Variants in NCKAP1 observed in about 807,000 individuals in gnomAD.
NCKAP1 encodes nck-associated protein 1.
A neutral mutation model predicts 151.2 loss-of-function variants in NCKAP1; 21 were observed. That is an observed-to-expected ratio of 0.14 (90% CI 0.10 to 0.20). The LOEUF is 0.20. Ranked by LOEUF, NCKAP1 falls within the 10% of genes least tolerant of loss-of-function variation. The pLI, the probability that NCKAP1 is intolerant of heterozygous loss-of-function variation, is 1.00. For missense variants in NCKAP1, 933 were observed against 1,352.1 expected, an observed-to-expected ratio of 0.69 and a Z score of 4.86; for synonymous variants, 484 against 451.8, an observed-to-expected ratio of 1.07 and a Z score of -0.90.
At chr2:182,930,036 TC>T (rs1336282320) in intron 27 of NCKAP1, among the ~76,000 whole-genome samples, 1 of 151,984 alleles carries the variant, frequency 6.6e-6, no homozygotes, top group African/African-American at 2.4e-5. Flanking sequence ...CTGGACCATC[TC>T]CCATTAGCAT....
At chr2:182,945,001 G>A (rs1490151494) in intron 23 of NCKAP1, among the ~76,000 whole-genome samples, 12 of 152,054 alleles carry the variant, frequency 7.9e-5, no homozygotes, top group African/African-American at 1.7e-4. Context: ...TTGGGAGGCC[G>A]AGGTGGGCGG....
In NCKAP1 at chr2:183,038,241, C is replaced by G. The variant is rs935026607; in HGVS notation, c.-142G>C. On this transcript the variant is annotated 5_prime_UTR_variant, in exon 1 of 31. Transcript: ENST00000361354. ...AGAGCGCGCCCATGGCCCTCGCGCC[C>G]CAATCCCGCGCCGGCGACAGAGCGA... The G allele has an allele frequency of 4.7e-5, 23 of 489,476 alleles. No individual in the cohort carries two copies. In the Admixed American group the frequency reaches 1.0e-3, roughly 22 times the overall value. The allele number at this position is 489,476 out of a possible 1,614,324, so 30.3% of individuals were successfully genotyped here.
intron 8 of NCKAP1, among the ~76,000 whole-genome samples, chr2:182,994,311 G>A (rs1436762532): frequency 6.6e-6 from 1 of 152,080 alleles, no homozygotes; most frequent in African/African-American, 2.4e-5. Context: ...CTCACTAGCT[G>A]TGTGGCCTAA....
chr2:182,983,256 A>T lies in NCKAP1; in HGVS notation c.1101+30T>A. 2.0e-6 allele frequency: 3 copies of T among 1,505,612 alleles called. No homozygotes were observed. The South Asian group carries it at 3.6e-5, about 18-fold the overall frequency. 93.3% of individuals were successfully genotyped at this position (1,505,612 alleles called of 1,614,324 possible). On this transcript the variant is annotated intron_variant, in intron 11 of 30. Transcript: ENST00000361354. Reference sequence around the variant, plus strand: ...GTTTTTTAAAATTTTAATATGGCACAATTATTGAAATAATAATTAAATGAA... The same window carrying T: ...GTTTTTTAAAATTTTAATATGGCACTATTATTGAAATAATAATTAAATGAA...
intron 23 of NCKAP1, among the ~76,000 whole-genome samples, chr2:182,943,491 CA>C (rs769256231): frequency 6.6e-6 from 1 of 152,036 alleles, no homozygotes; most frequent in Non-Finnish European, 1.5e-5. Context: ...TGGGCCAAAA[CA>C]AAACTCTCCA....
chr2:182,983,864 C>T (rs1403179105), intron 10 of NCKAP1, among the ~76,000 whole-genome samples: 2 of 152,082 alleles, frequency 1.3e-5, no homozygotes, highest in Non-Finnish European at 2.9e-5. Flanking sequence ...AAAACTCCGT[C>T]TCTACTAAAA....
intron 18 of NCKAP1, among the ~76,000 whole-genome samples, chr2:182,959,655 G>A (rs550460416): frequency 8.2e-4 from 125 of 152,260 alleles, no homozygotes; most frequent in African/African-American, 2.8e-3. Flanking sequence ...AAAACTGGAA[G>A]CACTCCCTTT....
intron 28 of NCKAP1, among the ~76,000 whole-genome samples, chr2:182,928,483 A>T (rs35720425): frequency 0.11 from 16,257 of 152,066 alleles, 1,311 homozygotes; most frequent in African/African-American, 0.22. Flanking sequence ...ATCACACATC[A>T]GTTTTATAGT....
In NCKAP1 at chr2:182,928,963, T is replaced by A. The variant is rs1696704292; in HGVS notation, c.2954-64A>T. 3.8e-6 allele frequency: 4 copies of A among 1,062,426 alleles called. No homozygotes were observed. The African/African-American group carries it at 6.5e-5, about 17-fold the overall frequency. 65.8% of individuals were successfully genotyped at this position (1,062,426 alleles called of 1,614,324 possible). A position where few individuals can be genotyped will look rare whatever the true frequency, so the allele number is the denominator to read the frequency against. On this transcript the variant is annotated intron_variant, in intron 27 of 30. Coordinates refer to ENST00000361354, the MANE Select transcript of NCKAP1 (RefSeq NM_013436.5). Reference sequence around the variant, plus strand: ...TTCAAGATTAGTTAAGATTTGATAATCTAAACTAAACAGATTTTTATTTTA... The same window carrying A: ...TTCAAGATTAGTTAAGATTTGATAAACTAAACTAAACAGATTTTTATTTTA...
intron 23 of NCKAP1, among the ~76,000 whole-genome samples, 179 bp downstream of exon 23, chr2:182,952,226 T>C (rs968020480): frequency 4.6e-5 from 7 of 152,156 alleles, no homozygotes; most frequent in African/African-American, 1.4e-4. Flanking sequence ...ACCTACAAAA[T>C]AGAGAAAACT....
At chr2:182,998,839 A>G (rs2105872047) in intron 6 of NCKAP1, among the ~76,000 whole-genome samples, 1 of 142,572 alleles carries the variant, frequency 7.0e-6, no homozygotes, top group African/African-American at 2.6e-5. Context: ...TCCAACAAAA[A>G]AAAAAAAAAA....
At position 182,933,389 on chromosome 2, in the gene NCKAP1, A is replaced by ATTTTT. The variant is rs35213776; in HGVS notation, c.2859+1358_2859+1362dup. On this transcript the variant is annotated intron_variant, in intron 26 of 30. Transcript: ENST00000361354. ...CCTCAAAAAGTTTGAGTGGCACCAC[A>ATTTTT]TTTTTTTTTTTTTTTTTTTGGAGAC... Among the ~76,000 whole-genome samples the ATTTTT allele has an allele frequency of 8.0e-4, 99 of 123,990 alleles. 1 individual carries two copies. The highest frequency in any genetic ancestry group is 2.9e-3 in the African/African-American group (94 of 31,996). The allele number at this position is 123,990 out of a possible 152,430, so 81.3% of individuals were successfully genotyped here. A position where few individuals can be genotyped will look rare whatever the true frequency, so the allele number is the denominator to read the frequency against.
chr2:182,998,974 C>T (rs1055829942), intron 6 of NCKAP1, among the ~76,000 whole-genome samples: 1 of 151,412 alleles, frequency 6.6e-6, no homozygotes, highest in African/African-American at 2.4e-5. Flanking sequence ...AAGAGAAGAA[C>T]TAGAAAACGG....
chr2:183,030,368 AAC>A (rs1206325582), intron 1 of NCKAP1, among the ~76,000 whole-genome samples: 2 of 152,212 alleles, frequency 1.3e-5, no homozygotes, highest in Admixed American at 6.5e-5. Context: ...TCAGGAATAA[AAC>A]ACATTCCTTT....
intron 26 of NCKAP1, among the ~76,000 whole-genome samples, chr2:182,932,294 A>G (rs184516036): frequency 4.7e-4 from 72 of 152,320 alleles, no homozygotes; most frequent in South Asian, 6.2e-4. Flanking sequence ...ACAATCATTA[A>G]AAAAAGTACT....
intron 26 of NCKAP1, among the ~76,000 whole-genome samples, chr2:182,932,735 GTGAA>G (rs1365213422): frequency 6.6e-6 from 1 of 151,964 alleles, no homozygotes; most frequent in Non-Finnish European, 1.5e-5. Context: ...CAGGTGAAAA[GTGAA>G]TGGTTGCTCA....
At chr2:182,977,643 G>A (rs1454207603) in intron 14 of NCKAP1, among the ~76,000 whole-genome samples, 1 of 152,102 alleles carries the variant, frequency 6.6e-6, no homozygotes, top group Non-Finnish European at 1.5e-5. Context: ...ACTTATATGA[G>A]GTATCTAGAG....
chr2:183,003,668 A>G (rs1002005437), intron 2 of NCKAP1, among the ~76,000 whole-genome samples: 7 of 152,164 alleles, frequency 4.6e-5, no homozygotes, highest in African/African-American at 1.7e-4. Flanking sequence ...GGGAGAAAAG[A>G]AGGTGAAAAA....
chr2:183,000,850 C>T (rs1333341580), intron 6 of NCKAP1, among the ~76,000 whole-genome samples: 11 of 151,994 alleles, frequency 7.2e-5, no homozygotes, highest in Admixed American at 2.6e-4. Context: ...CCTAGCACTT[C>T]GGGAAGCTGA....
Sources: allele counts gnomAD v4.1 joint callset (sites outside exome capture counted in the v4.1 genomes callset), GRCh38; gene constraint gnomAD v4.1.1; transcripts MANE v1.5; gene names NCBI Gene and HGNC (gene_info 2026-07-23, HGNC 2026-07-21).